The following NBPF12 variants were observed in gnomAD, a reference collection of about 807,000 sequenced individuals.
NBPF12 encodes NBPF member 12, also known as NBPF family member NBPF12.
Under a neutral mutation model 146.4 loss-of-function variants are expected in NBPF12, and 115 were observed. The observed-to-expected ratio is 0.79, with a 90% confidence interval of 0.68 to 0.92. The LOEUF is 0.92. Among genes scored for constraint, NBPF12 ranks in the 40% least tolerant of loss-of-function variants. The pLI is 0.00. For synonymous variants in NBPF12, 385 were observed against 508.9 expected, an observed-to-expected ratio of 0.76 and a Z score of 3.28; for missense variants, 1,205 against 1,326.8, an observed-to-expected ratio of 0.91 and a Z score of 1.43.
upstream of NBPF12, among the ~76,000 whole-genome samples, chr1:146,945,257 T>A (rs1655001062): frequency 6.6e-6 from 1 of 151,738 alleles, no homozygotes; most frequent in East Asian, 1.9e-4. Context: ...TTCTGTCTTG[T>A]AGGCAGGGAG....
chr1:146,964,361 T>C, exon 7 of NBPF12: 2 of 1,603,150 alleles, frequency 1.2e-6, no homozygotes, highest in Non-Finnish European at 8.5e-7. Context: ...TTATAGAAAA[T>C]GATGAAGATG....
Position 146,974,864 on chromosome 1 carries a change from G to A in NBPF12, c.1904+23G>A, listed in dbSNP as rs1553887122. 6.2e-5 allele frequency: 79 copies of A among 1,280,450 alleles called. 12 individuals carry two copies. In the Middle Eastern group the frequency reaches 8.1e-4, roughly 13 times the overall value. 79.3% of individuals were successfully genotyped at this position (1,280,450 alleles called of 1,614,324 possible). A position where few individuals can be genotyped will look rare whatever the true frequency, so the allele number is the denominator to read the frequency against. ...CAGGTGAGGGGACCCCATGGGGGCAGACAGGGGGGCAGGTGTGTAAATCTC... is the reference window on the plus strand; with the variant it reads ...CAGGTGAGGGGACCCCATGGGGGCAAACAGGGGGGCAGGTGTGTAAATCTC... On this transcript the variant is annotated intron_variant, in intron 15 of 33. Coordinates refer to ENST00000617844, the Ensembl canonical transcript of NBPF12.
intron 8 of NBPF12, among the ~76,000 whole-genome samples, chr1:146,966,088 C>T (rs1656187317): frequency 6.6e-6 from 1 of 151,756 alleles, no homozygotes; most frequent in Admixed American, 6.5e-5. Flanking sequence ...GCCTGCGCGA[C>T]AGAGTGAGAC....
At chr1:146,946,512 CTTTTTTTT>C (rs3071268), upstream of NBPF12, among the ~76,000 whole-genome samples, 38 of 41,038 alleles carry the variant, frequency 9.3e-4, no homozygotes, top group African/African-American at 3.6e-3. Context: ...GATCTTTCAC[CTTTTTTTT>C]TTTTTTTTTT....
At chr1:146,954,969 AATATATATATATATATATAT>A (rs1171967177) in intron 2 of NBPF12, among the ~76,000 whole-genome samples, 561 of 53,468 alleles carry the variant, frequency 0.01, 28 homozygotes, top group Middle Eastern at 0.012. Context: ...CCAAATAGGG[AATATATATATATATATATAT>A]ATATATATAT....
At chr1:146,965,168 C>T (rs1308644354) in intron 8 of NBPF12, 64 bp downstream of exon 11, 1 of 945,984 alleles carries the variant, frequency 1.1e-6, no homozygotes, top group Non-Finnish European at 1.7e-6. Flanking sequence ...ATTCTGAGGA[C>T]AGGCTGTATA....
chr1:146,971,265 C>T (rs1441824970), exon 13 of NBPF12: 29 of 1,612,350 alleles, frequency 1.8e-5, no homozygotes, highest in Non-Finnish European at 2.4e-5. Context: ...TAGCCACGGC[C>T]CTTGTGACTC....
At chr1:146,966,583 G>C (rs1656224836) in exon 9 of NBPF12, 5 of 1,456,000 alleles carry the variant, frequency 3.4e-6, no homozygotes, top group Non-Finnish European at 2.9e-6. Flanking sequence ...CCCCCAGCTG[G>C]CAGAGAAGAA....
At position 146,995,776 on chromosome 1, in the gene NBPF12, G is replaced by C. The variant is rs1251706119; in HGVS notation, c.*1201G>C. On this transcript the variant is annotated 3_prime_UTR_variant, in exon 34 of 34. Transcript: ENST00000617844. The stretch of plus-strand genomic sequence containing the variant: ...ATATCAGGACTGGTTACTTGGTTAA[G>C]GAGGGGTCTAGGAGATCTGTCCCTT... 3 of 150,340 alleles carry C rather than the reference G, an allele frequency of 2.0e-5. No homozygotes were observed. The East Asian group carries it at 5.9e-4, about 30-fold the overall frequency. 9.3% of individuals were successfully genotyped at this position (150,340 alleles called of 1,614,324 possible). A position where few individuals can be genotyped will look rare whatever the true frequency, so the allele number is the denominator to read the frequency against.
intron 1 of NBPF12, among the ~76,000 whole-genome samples, chr1:146,940,373 G>A (rs1345733449): frequency 6.6e-6 from 1 of 151,890 alleles, no homozygotes; most frequent in African/African-American, 2.4e-5. Flanking sequence ...GGAGGCCAAG[G>A]TGGGCGGATC....
intron 31 of NBPF12, among the ~76,000 whole-genome samples, chr1:146,992,502 G>T (rs1570903036): frequency 1.6e-5 from 2 of 128,524 alleles, no homozygotes; most frequent in Non-Finnish European, 3.3e-5. Flanking sequence ...GTGTGTGTGT[G>T]TGTGTGTGTG....
At chr1:146,989,524 G>T in intron 27 of NBPF12, 50 bp from the exon 31 acceptor site, 1 of 1,258,980 alleles carries the variant, frequency 7.9e-7, no homozygotes, top group Non-Finnish European at 1.2e-6. Flanking sequence ...CTGGGGCTGT[G>T]TGATTTCTGA....
At chr1:146,950,667 A>T (rs1257432849) in intron 1 of NBPF12, among the ~76,000 whole-genome samples, 1 of 152,114 alleles carries the variant, frequency 6.6e-6, no homozygotes, top group Non-Finnish European at 1.5e-5. Flanking sequence ...TTTGAGATTC[A>T]TCCATGTTGT....
At chr1:146,961,853 A>G (rs1655871516) in intron 4 of NBPF12, among the ~76,000 whole-genome samples, 2 of 151,978 alleles carry the variant, frequency 1.3e-5, no homozygotes, top group South Asian at 4.2e-4. Context: ...AAGGCTTGGG[A>G]AAGTGGCCCC....
chr1:146,994,493 T>C, exon 34 of NBPF12: 1 of 1,609,462 alleles, frequency 6.2e-7, no homozygotes, highest in Non-Finnish European at 8.5e-7. Flanking sequence ...ACCTTTGCCC[T>C]TGACATGGAC....
exon 13 of NBPF12, chr1:146,971,322 G>T: frequency 6.2e-7 from 1 of 1,612,152 alleles, no homozygotes; most frequent in Non-Finnish European, 8.5e-7. Context: ...GGAAGACAAA[G>T]TCAACTCATC....
rs1553885710 is a variant in NBPF12, at chr1:146,966,710, A to G, written c.988+37A>G. 638 of 1,110,694 alleles carry G rather than the reference A, an allele frequency of 5.7e-4. 4 individuals are homozygous for G. The highest frequency in any genetic ancestry group is 7.6e-4 in the Non-Finnish European group (552 of 722,310). The allele number at this position is 1,110,694 out of a possible 1,614,324, so 68.8% of individuals were successfully genotyped here. A position where few individuals can be genotyped will look rare whatever the true frequency, so the allele number is the denominator to read the frequency against. On this transcript the variant is annotated intron_variant, in intron 9 of 33. Coordinates refer to ENST00000617844, the Ensembl canonical transcript of NBPF12. ...AGGCTCACCATCACGAAAGTGATGA[A>G]CAACGTCCTGTCTTCTCTCTGAGAA...
At chr1:146,949,621 G>A (rs1401242497) in intron 1 of NBPF12, among the ~76,000 whole-genome samples, 199 bp downstream of exon 4, 1 of 120,196 alleles carries the variant, frequency 8.3e-6, no homozygotes, top group African/African-American at 3.5e-5. Flanking sequence ...GGAATGAAGC[G>A]GCCGGGTTCT....
At chr1:146,994,420 G>A in exon 34 of NBPF12, 2 of 1,612,180 alleles carry the variant, frequency 1.2e-6, no homozygotes, top group South Asian at 1.1e-5. Context: ...AATGTACTTT[G>A]AACTACCTGA....
Sources: allele counts gnomAD v4.1 joint callset (sites outside exome capture counted in the v4.1 genomes callset), GRCh38; gene constraint gnomAD v4.1.1; transcripts MANE v1.5; gene names NCBI Gene and HGNC (gene_info 2026-07-23, HGNC 2026-07-21).